PLCXD3: variants seen among roughly 807,000 people sequenced by gnomAD.
PLCXD3 encodes phosphatidylinositol specific phospholipase C X domain containing 3.
In PLCXD3, 19 loss-of-function variants were observed where a neutral mutation model predicts 25.5. The observed-to-expected ratio is 0.75, with a 90% confidence interval of 0.52 to 1.09. The LOEUF (loss-of-function observed/expected upper bound fraction) is 1.09. PLCXD3 is among the 50% of genes least tolerant of loss of function. The pLI, the probability that PLCXD3 is intolerant of heterozygous loss-of-function variation, is 0.00. For missense variants in PLCXD3, 411 were observed against 388.1 expected (o/e 1.06, Z -0.50); for synonymous variants, 174 against 137.6 (o/e 1.26, Z -1.85).
intron 1 of PLCXD3, among the ~76,000 whole-genome samples, chr5:41,483,448 C>T (rs1748455590): frequency 6.6e-6 from 1 of 152,054 alleles, no homozygotes; most frequent in Non-Finnish European, 1.5e-5. Flanking sequence ...CCTTGAGACC[C>T]CATCTTAAAA....
intron 2 of PLCXD3, among the ~76,000 whole-genome samples, chr5:41,373,110 G>A (rs1343591444): frequency 2.0e-5 from 3 of 151,912 alleles, no homozygotes; most frequent in Non-Finnish European, 4.4e-5. Context: ...GACATGCCTC[G>A]TTATACCCCC....
chr5:41,369,681 G>C (rs1444061343), intron 2 of PLCXD3, among the ~76,000 whole-genome samples: 1 of 152,110 alleles, frequency 6.6e-6, no homozygotes, highest in African/African-American at 2.4e-5. Flanking sequence ...GTTTCACCAT[G>C]TTGGCCATGC....
intron 1 of PLCXD3, among the ~76,000 whole-genome samples, chr5:41,475,899 C>T (rs1377196755): frequency 2.0e-5 from 3 of 152,184 alleles, no homozygotes; most frequent in African/African-American, 4.8e-5. Context: ...AAAGAGAGTT[C>T]TCTGCTTCTA....
At chr5:41,447,017 C>T (rs1001616667) in intron 1 of PLCXD3, among the ~76,000 whole-genome samples, 26 of 152,206 alleles carry the variant, frequency 1.7e-4, no homozygotes, top group Non-Finnish European at 5.9e-5. Context: ...TAACATCCAC[C>T]TACATTCCAC....
At chr5:41,442,271 A>G (rs978234781) in intron 1 of PLCXD3, among the ~76,000 whole-genome samples, 1 of 152,240 alleles carries the variant, frequency 6.6e-6, no homozygotes, top group Non-Finnish European at 1.5e-5. Context: ...AAAAACACAA[A>G]GTATGCACAT....
At chr5:41,341,109 A>C (rs1205809724) in intron 2 of PLCXD3, among the ~76,000 whole-genome samples, 2 of 152,198 alleles carry the variant, frequency 1.3e-5, no homozygotes, top group African/African-American at 4.8e-5. Context: ...TCTTAGCTAC[A>C]TTAAACCAGT....
At chr5:41,489,241 G>C (rs1339492997) in intron 1 of PLCXD3, among the ~76,000 whole-genome samples, 1 of 152,168 alleles carries the variant, frequency 6.6e-6, no homozygotes, top group Non-Finnish European at 1.5e-5. Flanking sequence ...GATAGCTGTA[G>C]ATAAGCGGCA....
At chr5:41,320,536 G>A (rs558214573) in intron 2 of PLCXD3, among the ~76,000 whole-genome samples, 4 of 152,234 alleles carry the variant, frequency 2.6e-5, no homozygotes, top group East Asian at 3.9e-4. Context: ...TCGCTCTGTC[G>A]CCCAGACTGG....
rs540342323 is a variant in PLCXD3, at chr5:41,308,888, C to A, written c.*4729G>T. 5 of 152,566 alleles carry A rather than the reference C, an allele frequency of 3.3e-5. No homozygotes were observed. The South Asian group carries it at 1.0e-3, about 32-fold the overall frequency. 9.5% of individuals were successfully genotyped at this position (152,566 alleles called of 1,614,324 possible). On this transcript the variant is annotated 3_prime_UTR_variant, in exon 3 of 3. Transcript: ENST00000377801. The stretch of plus-strand genomic sequence containing the variant: ...ATTGATGTTTGATTATTACGAAAAG[C>A]AATGGGGTACCTCACAAGGTGGACA...
chr5:41,425,991 G>T (rs1746946499), intron 1 of PLCXD3, among the ~76,000 whole-genome samples: 1 of 152,242 alleles, frequency 6.6e-6, no homozygotes, highest in South Asian at 2.1e-4. Context: ...TTGCTGGATT[G>T]TATGATAAGA....
At chr5:41,380,170 CCTGATGGTACCTTCCCCA>C (rs1031131216) in intron 2 of PLCXD3, among the ~76,000 whole-genome samples, 1 of 151,892 alleles carries the variant, frequency 6.6e-6, no homozygotes, top group Admixed American at 6.6e-5. Flanking sequence ...TCAGCATGAC[CCTGATGGTACCTTCCCCA>C]CTTCCTCCCA....
intron 2 of PLCXD3, among the ~76,000 whole-genome samples, chr5:41,374,169 T>C (rs1391989719): frequency 6.6e-6 from 1 of 152,104 alleles, no homozygotes; most frequent in African/African-American, 2.4e-5. Flanking sequence ...AAGGTGCAGC[T>C]TGTTTGTGAG....
At chr5:41,418,033 T>C (rs318038) in intron 1 of PLCXD3, among the ~76,000 whole-genome samples, 15,590 of 152,260 alleles carry the variant, frequency 0.1, 918 homozygotes, top group Non-Finnish European at 0.12. Context: ...TTCTATCAAA[T>C]AATCCAACAA....
At chr5:41,397,637 C>A (rs1746050197) in intron 1 of PLCXD3, among the ~76,000 whole-genome samples, 1 of 152,092 alleles carries the variant, frequency 6.6e-6, no homozygotes, top group Admixed American at 6.5e-5. Flanking sequence ...ATCCTCCAGC[C>A]CCCAGAATGG....
At chr5:41,465,413 T>C (rs1747996229) in intron 1 of PLCXD3, among the ~76,000 whole-genome samples, 1 of 144,124 alleles carries the variant, frequency 6.9e-6, no homozygotes, top group Non-Finnish European at 1.5e-5. Context: ...TCTCCAGAGA[T>C]TTCTCTTTCT....
intron 2 of PLCXD3, among the ~76,000 whole-genome samples, chr5:41,319,371 T>A (rs912235608): frequency 2.6e-5 from 4 of 152,064 alleles, no homozygotes; most frequent in African/African-American, 4.8e-5. Flanking sequence ...TCACAAAACA[T>A]CTTAAAACAT....
Position 41,428,374 on chromosome 5 carries a change from G to GTTTTTTTT in PLCXD3, c.104-45841_104-45840insAAAAAAAA, listed in dbSNP as rs373244601. On this transcript the variant is annotated intron_variant, in intron 1 of 2. Transcript: ENST00000377801. ...TAAAGAGGTGATTAAGTTAAAATGA[G>GTTTTTTTT]TTTTTTTGTTTTTGTTTTTGTTTTT... Among the ~76,000 whole-genome samples, 3 of 91,598 alleles carry GTTTTTTTT rather than the reference G, an allele frequency of 3.3e-5. 1 individual carries two copies. 60.1% of individuals were successfully genotyped at this position (91,598 alleles called of 152,430 possible). A position where few individuals can be genotyped will look rare whatever the true frequency, so the allele number is the denominator to read the frequency against.
intron 1 of PLCXD3, among the ~76,000 whole-genome samples, chr5:41,428,694 A>G (rs776427927): frequency 1.3e-5 from 2 of 152,170 alleles, no homozygotes; most frequent in African/African-American, 4.8e-5. Flanking sequence ...TCTCCAACTT[A>G]AAATTTTTCA....
chr5:41,384,720 C>A (rs1407909101), intron 1 of PLCXD3, among the ~76,000 whole-genome samples: 3 of 152,120 alleles, frequency 2.0e-5, no homozygotes, highest in Admixed American at 6.6e-5. Context: ...GCAAGGAAAT[C>A]ACCACTTTTG....
Sources: gnomAD v4.1 joint callset for allele counts (sites outside exome capture counted in the v4.1 genomes callset) on GRCh38, gnomAD v4.1.1 for gene constraint, MANE v1.5 for transcripts, NCBI Gene and HGNC (gene_info 2026-07-23, HGNC 2026-07-21) for gene names.